Variants in KCTD8 observed in about 807,000 individuals in gnomAD.
KCTD8 encodes the protein potassium channel tetramerization domain containing 8, also known as BTB/POZ domain-containing protein KCTD8.
A neutral mutation model predicts 31.5 loss-of-function variants in KCTD8; 27 were observed. That is an observed-to-expected ratio of 0.86 (90% CI 0.63 to 1.18). The LOEUF (loss-of-function observed/expected upper bound fraction) is 1.18, where lower values mean the gene tolerates loss of function less well. Ranked by LOEUF, KCTD8 falls within the 50% of genes most tolerant of loss-of-function variation. The pLI is 0.00. For synonymous variants in KCTD8, 290 were observed against 280.0 expected, an observed-to-expected ratio of 1.04 and a Z score of -0.36; for missense variants, 658 against 647.7, an observed-to-expected ratio of 1.02 and a Z score of -0.17.
intron 1 of KCTD8, among the ~76,000 whole-genome samples, chr4:44,353,425 G>C (rs1370010339): frequency 1.3e-5 from 2 of 151,736 alleles, no homozygotes; most frequent in Non-Finnish European, 2.9e-5. Context: ...ATTAAATTAG[G>C]GTAATTAATG....
At chr4:44,226,273 T>C (rs1312600455) in intron 1 of KCTD8, among the ~76,000 whole-genome samples, 1 of 152,148 alleles carries the variant, frequency 6.6e-6, no homozygotes. Flanking sequence ...TTCCCACTTA[T>C]AAGTGAGAAT....
intron 1 of KCTD8, among the ~76,000 whole-genome samples, chr4:44,342,773 C>A (rs73815022): frequency 0.06 from 9,201 of 152,270 alleles, 445 homozygotes; most frequent in Admixed American, 0.15. Context: ...TAATTTACTG[C>A]AGCTTATGCA....
At chr4:44,432,100 C>G (rs190992888) in intron 1 of KCTD8, among the ~76,000 whole-genome samples, 1 of 151,134 alleles carries the variant, frequency 6.6e-6, no homozygotes, top group African/African-American at 2.4e-5. Flanking sequence ...TTTATTGGAG[C>G]CAGTATTTTA....
chr4:44,268,920 GC>G (rs1716483321), intron 1 of KCTD8, among the ~76,000 whole-genome samples: 8 of 152,192 alleles, frequency 5.3e-5, no homozygotes, highest in Non-Finnish European at 1.0e-4. Context: ...AACATTCCAT[GC>G]TCATGGGTAG....
intron 1 of KCTD8, among the ~76,000 whole-genome samples, chr4:44,347,503 A>AG (rs1166712504): frequency 6.6e-6 from 1 of 152,188 alleles, no homozygotes; most frequent in Non-Finnish European, 1.5e-5. Flanking sequence ...ATCCTGGAAG[A>AG]GGAGTTCCAT....
At chr4:44,277,496 T>C (rs1180523672) in intron 1 of KCTD8, among the ~76,000 whole-genome samples, 1 of 151,864 alleles carries the variant, frequency 6.6e-6, no homozygotes. Context: ...AGTACACTGT[T>C]GGTACGCTGC....
chr4:44,448,732 G>A lies in KCTD8; in HGVS notation c.-209C>T. ...ATCGGAGGAGAGACGCGCGAGAGAG[G>A]AGCTCCGCCGGTGCGGCGGCGGCAA... On this transcript the variant is annotated 5_prime_UTR_variant, in exon 1 of 2. Coordinates refer to ENST00000360029, the MANE Select transcript of KCTD8 (RefSeq NM_198353.3). The surrounding 1 kb of genome is among the most constrained non-coding windows in gnomAD (Gnocchi z 4.1). 2.4e-6 allele frequency: 1 copy of A among 416,998 alleles called. No homozygotes were observed. The allele number at this position is 416,998 out of a possible 1,614,324, so 25.8% of individuals were successfully genotyped here.
chr4:44,333,186 T>C (rs1340465906), intron 1 of KCTD8, among the ~76,000 whole-genome samples: 1 of 150,586 alleles, frequency 6.6e-6, no homozygotes, highest in Non-Finnish European at 1.5e-5. Context: ...TTTTAGACTT[T>C]GGAAAAGACT....
chr4:44,239,434 G>T (rs979908384), intron 1 of KCTD8, among the ~76,000 whole-genome samples: 3 of 152,156 alleles, frequency 2.0e-5, no homozygotes, highest in Non-Finnish European at 4.4e-5. Flanking sequence ...TAATAGCATA[G>T]ATCTCATAGT....
intron 1 of KCTD8, among the ~76,000 whole-genome samples, chr4:44,215,880 A>C (rs1299787999): frequency 6.6e-6 from 1 of 152,210 alleles, no homozygotes; most frequent in East Asian, 1.9e-4. Context: ...GCCCAGAAAC[A>C]GGTACCCTGT....
At chr4:44,303,429 C>A (rs980856680) in intron 1 of KCTD8, among the ~76,000 whole-genome samples, 1 of 152,004 alleles carries the variant, frequency 6.6e-6, no homozygotes, top group African/African-American at 2.4e-5. Context: ...GATTCAACTT[C>A]TTCCTGGTTT....
intron 1 of KCTD8, among the ~76,000 whole-genome samples, chr4:44,241,681 C>A (rs921018942): frequency 3.3e-5 from 5 of 152,122 alleles, no homozygotes; most frequent in African/African-American, 1.2e-4. Flanking sequence ...ATATTAAATT[C>A]TCAGTTCAAT....
At chr4:44,398,026 C>T (rs536877303) in intron 1 of KCTD8, among the ~76,000 whole-genome samples, 35 of 152,126 alleles carry the variant, frequency 2.3e-4, no homozygotes, top group Admixed American at 1.6e-3. Flanking sequence ...AGTCATGTTC[C>T]TGTAGGAAAA....
chr4:44,189,967 ATCTAGTCC>A (rs367743735), intron 1 of KCTD8, among the ~76,000 whole-genome samples: 75 of 152,212 alleles, frequency 4.9e-4, no homozygotes, highest in African/African-American at 1.8e-3. Flanking sequence ...GCAAACAGTT[ATCTAGTCC>A]TCTTGATACT....
At chr4:44,399,334 T>C (rs1341395773) in intron 1 of KCTD8, among the ~76,000 whole-genome samples, 1 of 152,014 alleles carries the variant, frequency 6.6e-6, no homozygotes, top group East Asian at 1.9e-4. Context: ...ATAAGTGAAA[T>C]AGCAGTGGAG....
intron 1 of KCTD8, among the ~76,000 whole-genome samples, chr4:44,337,057 G>A (rs1490291209): frequency 6.6e-6 from 1 of 152,062 alleles, no homozygotes; most frequent in East Asian, 1.9e-4. Flanking sequence ...GAACTAATAT[G>A]TCATAAAAGA....
intron 1 of KCTD8, among the ~76,000 whole-genome samples, chr4:44,269,234 C>T (rs1577585087): frequency 1.3e-5 from 2 of 152,190 alleles, no homozygotes; most frequent in African/African-American, 4.8e-5. Flanking sequence ...GAAATAATGC[C>T]ACATATCTAC....
chr4:44,264,252 C>T (rs752307590), intron 1 of KCTD8, among the ~76,000 whole-genome samples: 3 of 152,096 alleles, frequency 2.0e-5, no homozygotes, highest in Non-Finnish European at 2.9e-5. Flanking sequence ...ATTAGCTATT[C>T]TTTATAGAAT....
chr4:44,221,181 C>G (rs1221334420), intron 1 of KCTD8, among the ~76,000 whole-genome samples: 1 of 152,160 alleles, frequency 6.6e-6, no homozygotes, highest in Non-Finnish European at 1.5e-5. Flanking sequence ...CTAAACTAGA[C>G]TGGAATAAAC....
Sources: gnomAD v4.1 joint callset for allele counts (sites outside exome capture counted in the v4.1 genomes callset) on GRCh38, gnomAD v4.1.1 for gene constraint, Gnocchi (gnomAD v3.1) non-coding constraint, MANE v1.5 for transcripts, NCBI Gene and HGNC (gene_info 2026-07-23, HGNC 2026-07-21) for gene names.